CALB2: variants seen among roughly 807,000 people sequenced by gnomAD.
The protein encoded by CALB2 is calbindin 2.
Under a neutral mutation model 45.9 loss-of-function variants are expected in CALB2, and 34 were observed. The ratio of observed to expected loss-of-function variants is 0.74; its 90% CI spans 0.56 to 0.99. The LOEUF is 0.99. Ranked by LOEUF, CALB2 falls within the 50% of genes least tolerant of loss-of-function variation. The pLI, the probability that CALB2 is intolerant of heterozygous loss-of-function variation, is 0.00. For synonymous variants in CALB2, 142 were observed against 129.6 expected, an observed-to-expected ratio of 1.10 and a Z score of -0.65; for missense variants, 344 against 339.3, an observed-to-expected ratio of 1.01 and a Z score of -0.11.
intron 1 of CALB2, among the ~76,000 whole-genome samples, chr16:71,367,171 G>C (rs1255530444): frequency 1.3e-5 from 2 of 152,126 alleles, no homozygotes; most frequent in Non-Finnish European, 2.9e-5. Context: ...GTGCGGAATG[G>C]TAGCAAGAGT....
chr16:71,385,545 G>A, intron 9 of CALB2, 32 bp from the exon 10 acceptor site: 2 of 1,603,032 alleles, frequency 1.2e-6, no homozygotes, highest in Non-Finnish European at 1.7e-6. Flanking sequence ...CCAGGCTTTA[G>A]AGCTCTGGGT....
At chr16:71,384,494 C>A (rs951869029) in intron 8 of CALB2, 116 bp downstream of exon 8, 2 of 861,234 alleles carry the variant, frequency 2.3e-6, no homozygotes, top group Non-Finnish European at 3.9e-6. Context: ...ACACACCACA[C>A]ACACACAAAA....
intron 5 of CALB2, 96 bp downstream of exon 5, chr16:71,382,871 C>T (rs772828170): frequency 2.0e-4 from 224 of 1,129,402 alleles, no homozygotes; most frequent in Non-Finnish European, 2.6e-4. Flanking sequence ...CATGAGTTTG[C>T]GGGCTGCTTA....
rs141642258 is a variant in CALB2, at chr16:71,381,610, A to T, written c.343-1109A>T. ...GGGGAGGCAGGGGATAAGATGTAGG[A>T]AAAGGATTAGTGGTTGCTGGCTCCC... is the stretch of plus-strand genomic sequence containing the variant. On this transcript the variant is annotated intron_variant, in intron 4 of 10. Coordinates refer to ENST00000302628, the MANE Select transcript of CALB2 (RefSeq NM_001740.5). Among the ~76,000 whole-genome samples the T allele has an allele frequency of 8.5e-5, 13 of 152,290 alleles. No homozygotes were observed. In the East Asian group the frequency reaches 2.5e-3, roughly 29 times the overall value.
At chr16:71,386,651 G>GA (rs2042574471) in intron 10 of CALB2, among the ~76,000 whole-genome samples, 1 of 152,188 alleles carries the variant, frequency 6.6e-6, no homozygotes, top group South Asian at 2.1e-4. Context: ...TCACCGCCTG[G>GA]AAAATGTCTT....
chr16:71,384,441 C>T, intron 8 of CALB2, 63 bp downstream of exon 8: 5 of 1,406,994 alleles, frequency 3.6e-6, no homozygotes, highest in Non-Finnish European at 4.0e-6. Context: ...CCTGCACCCT[C>T]CTTCCCCCAA....
chr16:71,377,372 T>C (rs2042428573), intron 3 of CALB2, among the ~76,000 whole-genome samples: 1 of 152,204 alleles, frequency 6.6e-6, no homozygotes, highest in African/African-American at 2.4e-5. Flanking sequence ...TTTACATACA[T>C]GGAATCATCT....
rs746043048 is a variant in CALB2 at position 71,390,326 on chromosome 16, C to T, written c.*461C>T. 3 of 154,868 alleles carry T rather than the reference C, an allele frequency of 1.9e-5. No homozygotes were observed. Among genetic ancestry groups the T allele is most frequent in the Non-Finnish European group, 4.3e-5 (3 of 69,928 alleles). The allele number at this position is 154,868 out of a possible 1,614,324, so 9.6% of individuals were successfully genotyped here. On this transcript the variant is annotated 3_prime_UTR_variant, in exon 11 of 11. Transcript: ENST00000302628. Reference sequence around the variant, plus strand: ...CTCCTGTGTGTGGAAGGCACCCGCCCTTTCCTTGCCTTCTTTACTCGGCGT... The same window carrying T: ...CTCCTGTGTGTGGAAGGCACCCGCCTTTTCCTTGCCTTCTTTACTCGGCGT...
chr16:71,373,916 A>T (rs2042381203), intron 2 of CALB2, among the ~76,000 whole-genome samples: 2 of 152,242 alleles, frequency 1.3e-5, no homozygotes, highest in Admixed American at 6.5e-5. Flanking sequence ...GGATTCAGGA[A>T]ACTCTCAGAA....
intron 1 of CALB2, among the ~76,000 whole-genome samples, chr16:71,361,651 C>G (rs2042239076): frequency 6.6e-6 from 1 of 152,100 alleles, no homozygotes; most frequent in Non-Finnish European, 1.5e-5. Flanking sequence ...TGGTAGTAAA[C>G]AAAGACAAAG....
Position 71,384,007 on chromosome 16 carries a change from G to A in CALB2, c.515G>A (p.Gly172Asp). 1 of 1,613,828 alleles carries A rather than the reference G, an allele frequency of 6.2e-7. No individual in the cohort carries two copies. The highest frequency in any genetic ancestry group is 8.5e-7 in the Non-Finnish European group (1 of 1,179,858). The change falls in exon 7 of 11, where the codon GGC (glycine) becomes GAC (aspartate). Residue 172 changes from glycine to aspartate, a missense_variant. This residue lies in a region of CALB2 where 263 missense variants were observed against 241.7 expected (regional missense o/e 1.09). Transcript: ENST00000302628. ...MFDLNGDGKL[G>D]LSEMSRLLPV... Reference sequence around the variant, plus strand: ...GACTTGAACGGGGATGGCAAATTGGGCCTCTCAGAGATGTCCCGGTAAGCA... The same window carrying A: ...GACTTGAACGGGGATGGCAAATTGGACCTCTCAGAGATGTCCCGGTAAGCA...
At chr16:71,380,895 A>G (rs2042483383) in intron 4 of CALB2, among the ~76,000 whole-genome samples, 2 of 152,228 alleles carry the variant, frequency 1.3e-5, no homozygotes, top group South Asian at 2.1e-4. Context: ...CACAAAGCCC[A>G]GGTCTCTTGA....
Position 71,378,383 on chromosome 16 carries a change from T to A in CALB2, c.342+636T>A, listed in dbSNP as rs573687800. 4.1e-3 allele frequency among the ~76,000 whole-genome samples: 564 copies of A among 138,114 alleles called. 2 individuals are homozygous for A. Among genetic ancestry groups the A allele is most frequent in the Non-Finnish European group, 5.6e-3 (356 of 63,264 alleles). The allele number at this position is 138,114 out of a possible 152,430, so 90.6% of individuals were successfully genotyped here. ...AAAGCTACCATAGTGAACAGGAATT[T>A]AAAAAAAAAAAAAAAGATAAAAAAC... On this transcript the variant is annotated intron_variant, in intron 4 of 10. Coordinates refer to ENST00000302628, the MANE Select transcript of CALB2 (RefSeq NM_001740.5).
intron 10 of CALB2, among the ~76,000 whole-genome samples, chr16:71,388,819 T>TAAA: frequency 7.5e-6 from 1 of 133,210 alleles, no homozygotes; most frequent in African/African-American, 2.8e-5. Flanking sequence ...CCGTCTCTAC[T>TAAA]AAAAAAAAAA....
chr16:71,363,552 C>G (rs1392631638), intron 1 of CALB2, among the ~76,000 whole-genome samples: 1 of 152,202 alleles, frequency 6.6e-6, no homozygotes, highest in Non-Finnish European at 1.5e-5. Context: ...GACTGCAGTG[C>G]CCAGGCAGGC....
chr16:71,383,471 C>A, intron 6 of CALB2, 27 bp downstream of exon 6: 1 of 1,608,060 alleles, frequency 6.2e-7, no homozygotes, highest in East Asian at 2.2e-5. Flanking sequence ...GTCCCTCTCC[C>A]CCAGGGTGCA....
rs1320626734 is a variant in CALB2 at position 71,383,451 on chromosome 16, G to C, written c.477+7G>C. 4 of 1,613,472 alleles carry C rather than the reference G, an allele frequency of 2.5e-6. No individual in the cohort carries two copies. In the African/African-American group the frequency reaches 4.0e-5, roughly 16 times the overall value. ...GGAATACACCCAAACCATAGTGAGT[G>C]AACAGAAGTGTCCCTCTCCCCCAGG... is the stretch of plus-strand genomic sequence containing the variant. On this transcript the variant is annotated splice_region_variant and intron_variant, in intron 6 of 10. Transcript: ENST00000302628.
intron 10 of CALB2, among the ~76,000 whole-genome samples, chr16:71,387,394 A>T (rs1054905945): frequency 6.6e-6 from 1 of 151,822 alleles, no homozygotes; most frequent in Non-Finnish European, 1.5e-5. Context: ...GGATTGAGAG[A>T]GTGAATGAGT....
intron 3 of CALB2, among the ~76,000 whole-genome samples, chr16:71,377,031 C>T (rs904220079): frequency 7.2e-5 from 11 of 152,170 alleles, no homozygotes; most frequent in Admixed American, 1.3e-4. Flanking sequence ...ACTTCACCAA[C>T]GTAGACTCAT....
Sources: allele counts gnomAD v4.1 joint callset (sites outside exome capture counted in the v4.1 genomes callset), GRCh38; gene constraint gnomAD v4.1.1; regional missense constraint gnomAD v4.1.1; transcripts MANE v1.5; gene names NCBI Gene and HGNC (gene_info 2026-07-23, HGNC 2026-07-21).